Variants in HINFP observed in about 807,000 individuals in gnomAD.
HINFP encodes MBD2 (methyl-CpG-binding protein)-interacting zinc finger protein.
Under a neutral mutation model 50.1 loss-of-function variants are expected in HINFP, and 20 were observed. That is an observed-to-expected ratio of 0.40 (90% CI 0.28 to 0.58). The LOEUF (loss-of-function observed/expected upper bound fraction) is 0.58, where lower values mean the gene tolerates loss of function less well. Ranked by LOEUF, HINFP falls within the 20% of genes least tolerant of loss-of-function variation. The probability of loss-of-function intolerance (pLI) is 0.45; values close to 1 mark genes in which losing one functional copy is unlikely to be tolerated. For synonymous variants in HINFP, 247 were observed against 243.7 expected, an observed-to-expected ratio of 1.01 and a Z score of -0.13; for missense variants, 505 against 664.1, an observed-to-expected ratio of 0.76 and a Z score of 2.63.
chr11:119,124,491 C>G (rs1243412080), intron 1 of HINFP: 2 of 152,106 alleles, frequency 1.3e-5, no homozygotes, highest in African/African-American at 2.4e-5. Context: ...AGAAATTTTG[C>G]TTGCAACGTC....
In HINFP at chr11:119,127,134, G is replaced by T; in HGVS notation, c.181+9G>T. On this transcript the variant is annotated intron_variant, in intron 2 of 9. Coordinates refer to ENST00000350777, the MANE Select transcript of HINFP (RefSeq NM_198971.3). ...GGAGGATGACCCACTTGGTAAGAGA[G>T]CAGGACACAGGAAGGGGAGGAGCTC... 1.2e-6 allele frequency: 2 copies of T among 1,600,516 alleles called. No homozygotes were observed. The highest frequency in any genetic ancestry group is 1.7e-6 in the Non-Finnish European group (2 of 1,174,106).
In HINFP at chr11:119,134,851, C is replaced by T. The variant is rs76394615; in HGVS notation, c.*353C>T. 725 of 188,874 alleles carry T rather than the reference C, an allele frequency of 3.8e-3. 24 individuals are homozygous for T. In the East Asian group the frequency reaches 0.083, roughly 22 times the overall value. 11.7% of individuals were successfully genotyped at this position (188,874 alleles called of 1,614,324 possible). Reference sequence around the variant, plus strand: ...TTCCCATCTTTCGGGCTCCTTAGGCCCAAGGATGGCATGTGACTGGTCCCT... The same window carrying T: ...TTCCCATCTTTCGGGCTCCTTAGGCTCAAGGATGGCATGTGACTGGTCCCT... On this transcript the variant is annotated 3_prime_UTR_variant, in exon 10 of 10. Transcript: ENST00000350777. The surrounding 1 kb of genome is among the most constrained non-coding windows in gnomAD (Gnocchi z 4.3).
rs770277135 is a variant in HINFP, at chr11:119,130,898, C to T, written c.355C>T (p.Arg119Trp). The T allele has an allele frequency of 8.7e-6, 14 of 1,614,090 alleles. No homozygotes were observed. The highest frequency in any genetic ancestry group is 2.2e-5 in the South Asian group (2 of 91,082). Residue 119 changes from arginine (R) to tryptophan (W), a missense_variant, in exon 3 of 10, where the codon CGG (arginine) becomes TGG (tryptophan). Transcript: ENST00000350777. Reference protein sequence around the residue: ...LGPCILDFQSRNVIPDIPDHF... With the variant: ...LGPCILDFQSWNVIPDIPDHF... ...CCCCTGCATCCTGGACTTCCAGAGC[C>T]GGAACGTCATCCCTGATATCCCTGA...
chr11:119,133,943 G>T, intron 9 of HINFP, 141 bp from the exon 10 acceptor site: 1 of 1,076,170 alleles, frequency 9.3e-7, no homozygotes, highest in Non-Finnish European at 1.4e-6. Flanking sequence ...TTCCAATAAA[G>T]ACCTTTTTTG....
intron 1 of HINFP, chr11:119,124,657 A>G (rs1434931664): frequency 2.0e-5 from 3 of 152,200 alleles, no homozygotes; most frequent in Non-Finnish European, 2.9e-5. Flanking sequence ...GGCGCTGGAT[A>G]ACTACATTCG....
chr11:119,124,367 CAGGT>C (rs1565787363), intron 1 of HINFP: 3 of 152,022 alleles, frequency 2.0e-5, no homozygotes, highest in African/African-American at 7.3e-5. Flanking sequence ...CCACCTGTCT[CAGGT>C]AGGCCAGAGA....
At chr11:119,127,751 C>G (rs1343871271) in intron 2 of HINFP, among the ~76,000 whole-genome samples, 1 of 151,982 alleles carries the variant, frequency 6.6e-6, no homozygotes, top group Non-Finnish European at 1.5e-5. Context: ...TTATGTTGCC[C>G]ACTGATCTCA....
At chr11:119,126,693 C>T (rs565281678) in intron 1 of HINFP, 3 of 349,776 alleles carry the variant, frequency 8.6e-6, no homozygotes, top group Non-Finnish European at 1.6e-5. Context: ...TCTGTTAAAG[C>T]GTTTAGCTCA....
At position 119,131,624 on chromosome 11, in the gene HINFP, G is replaced by C; in HGVS notation, c.501G>C (p.Pro167=). 1 of 1,614,018 alleles carries C rather than the reference G, an allele frequency of 6.2e-7. No individual in the cohort carries two copies. The highest frequency in any genetic ancestry group is 8.5e-7 in the Non-Finnish European group (1 of 1,179,864). The change falls in exon 4 of 10, where the codon CCG becomes CCC. Residue 167 remains proline, a synonymous_variant. Transcript: ENST00000350777. This position sits in a 1 kb window ranked among gnomAD's most constrained non-coding sequence, Gnocchi z 4.2. ...CEYEAVGKDN[P]VVLCGWKGCT... is the part of the protein sequence containing the mutation. The stretch of plus-strand genomic sequence containing the variant: ...ACGAAGCAGTCGGCAAGGACAACCC[G>C]GTGGTGCTGTGTGGCTGGAAAGGTA...
At position 119,133,758 on chromosome 11, in the gene HINFP, G is replaced by A. The variant is rs1592288970; in HGVS notation, c.1140-326G>A. ...ATGGTGCCAAAAAGTCCTGCAGCTG[G>A]AACTAGAGCTAGAGTCTAAGGGTTC... On this transcript the variant is annotated intron_variant, in intron 9 of 9. Transcript: ENST00000350777. 1.9e-5 allele frequency: 8 copies of A among 416,342 alleles called. No individual in the cohort carries two copies. The East Asian group carries it at 2.7e-4, about 14-fold the overall frequency. The allele number at this position is 416,342 out of a possible 1,614,324, so 25.8% of individuals were successfully genotyped here. A position where few individuals can be genotyped will look rare whatever the true frequency, so the allele number is the denominator to read the frequency against.
chr11:119,125,457 T>TC (rs1947336994), intron 1 of HINFP: 1 of 152,056 alleles, frequency 6.6e-6, no homozygotes, highest in African/African-American at 2.4e-5. Context: ...GTTGCTTGAG[T>TC]CCAAGAATTC....
At position 119,131,765 on chromosome 11, in the gene HINFP, G is replaced by A. The variant is rs1947771918; in HGVS notation, c.524-65G>A. ...GTTGACTGCCGGCTGGAGAGACTCA[G>A]GGGTACCAGATCCTAGGCAAAACTG... On this transcript the variant is annotated intron_variant, in intron 4 of 9. Transcript: ENST00000350777. The surrounding 1 kb of genome is among the most constrained non-coding windows in gnomAD (Gnocchi z 4.2). 1 of 1,608,554 alleles carries A rather than the reference G, an allele frequency of 6.2e-7. No individual in the cohort carries two copies. The highest frequency in any genetic ancestry group is 2.2e-5 in the East Asian group (1 of 44,852).
At position 119,130,780 on chromosome 11, in the gene HINFP, T is replaced by C. The variant is rs755954410; in HGVS notation, c.237T>C (p.Ser79=). 6.2e-7 allele frequency: 1 copy of C among 1,614,234 alleles called. No homozygotes were observed. The highest frequency in any genetic ancestry group is 1.1e-5 in the South Asian group (1 of 91,084). ...QECGFCSLDS[S]ADLIRHVYFH... ...GTGGCTTTTGTTCTCTGGACAGTTC[T>C]GCTGACCTCATCCGCCATGTCTACT... The change falls in exon 3 of 10, where the codon TCT becomes TCC. Residue 79 remains serine (S), a synonymous_variant. Transcript: ENST00000350777.
intron 9 of HINFP, 129 bp downstream of exon 9, chr11:119,133,348 A>T: frequency 8.8e-7 from 1 of 1,135,220 alleles, no homozygotes; most frequent in Non-Finnish European, 1.3e-6. Context: ...TGGGAGGCCA[A>T]GGTGGGCGGA....
intron 1 of HINFP, among the ~76,000 whole-genome samples, chr11:119,122,899 G>T (rs1415421258): frequency 6.6e-6 from 1 of 152,098 alleles, no homozygotes; most frequent in Non-Finnish European, 1.5e-5. Flanking sequence ...GAGGCGGGCG[G>T]ATCACTTGAG....
chr11:119,126,826 C>A, intron 1 of HINFP, 109 bp from the exon 2 acceptor site: 2 of 869,388 alleles, frequency 2.3e-6, no homozygotes, highest in Non-Finnish European at 3.6e-6. Context: ...TCTCATGGGT[C>A]ACTGGAACAA....
intron 5 of HINFP, 46 bp from the exon 6 acceptor site, chr11:119,132,450 C>G: frequency 2.5e-6 from 4 of 1,598,636 alleles, no homozygotes; most frequent in Non-Finnish European, 3.4e-6. Flanking sequence ...CTGTGCCTCT[C>G]CACTATCACC....
At chr11:119,126,906 C>A (rs1168693225) in intron 1 of HINFP, 29 bp from the exon 2 acceptor site, 1 of 1,571,388 alleles carries the variant, frequency 6.4e-7, no homozygotes, top group Admixed American at 1.8e-5. Context: ...GGAATTCTTG[C>A]AGCTGTGGAT....
In HINFP at chr11:119,131,788, CTG is replaced by C. The variant is rs1356842843; in HGVS notation, c.524-41_524-40del. 6.2e-7 allele frequency: 1 copy of C among 1,612,246 alleles called. No homozygotes were observed. The highest frequency in any genetic ancestry group is 1.1e-5 in the South Asian group (1 of 91,010). On this transcript the variant is annotated intron_variant, in intron 4 of 9. Transcript: ENST00000350777. The surrounding 1 kb of genome is among the most constrained non-coding windows in gnomAD (Gnocchi z 4.2). ...CAGGGGTACCAGATCCTAGGCAAAA[CTG>C]GGGTTTTGTGGCAGGAGACTGATAG...
Sources: allele counts gnomAD v4.1 joint callset (sites outside exome capture counted in the v4.1 genomes callset), GRCh38; gene constraint gnomAD v4.1.1; non-coding constraint Gnocchi (gnomAD v3.1); transcripts MANE v1.5; gene names NCBI Gene and HGNC (gene_info 2026-07-23, HGNC 2026-07-21).